SESN1: variants seen among roughly 807,000 people sequenced by gnomAD.
SESN1 encodes the protein sestrin-1.
A neutral mutation model predicts 59.3 loss-of-function variants in SESN1; 30 were observed. That is an observed-to-expected ratio of 0.51 (90% CI 0.38 to 0.69). The LOEUF (loss-of-function observed/expected upper bound fraction) is 0.69, where lower values mean the gene tolerates loss of function less well. Among genes scored for constraint, SESN1 ranks in the 30% least tolerant of loss-of-function variants. SESN1 has a pLI of 0.00. For synonymous variants in SESN1, 197 were observed against 219.9 expected (o/e 0.90, Z 0.92); for missense variants, 566 against 673.0 (o/e 0.84, Z 1.76).
intron 1 of SESN1, among the ~76,000 whole-genome samples, chr6:109,014,808 C>T (rs1367952293): frequency 6.6e-6 from 1 of 152,166 alleles, no homozygotes; most frequent in Non-Finnish European, 1.5e-5. Context: ...CAACCTCCTA[C>T]ATGTTCCTCA....
chr6:109,093,754 T>TA, intron 1 of SESN1, 41 bp downstream of exon 1: 1 of 1,568,450 alleles, frequency 6.4e-7, no homozygotes, highest in East Asian at 2.3e-5. Context: ...AAAATTTAAC[T>TA]GTAGTAGAGA....
At chr6:108,991,999 T>A (rs919500172) in intron 7 of SESN1, among the ~76,000 whole-genome samples, 1 of 152,196 alleles carries the variant, frequency 6.6e-6, no homozygotes, top group Non-Finnish European at 1.5e-5. Flanking sequence ...AATCCTAATG[T>A]CCCTCCATAA....
chr6:109,075,169 T>A (rs1036534477), intron 1 of SESN1, among the ~76,000 whole-genome samples: 2 of 152,204 alleles, frequency 1.3e-5, no homozygotes, highest in Non-Finnish European at 2.9e-5. Flanking sequence ...TAATCAGGTT[T>A]CTAAGCATAT....
intron 1 of SESN1, among the ~76,000 whole-genome samples, chr6:109,058,799 T>C (rs1416236567): frequency 6.6e-6 from 1 of 152,138 alleles, no homozygotes; most frequent in African/African-American, 2.4e-5. Flanking sequence ...TCTAGGCAAC[T>C]GGTTTTCACT....
chr6:109,001,183 T>C (rs1779613180), intron 3 of SESN1, 105 bp downstream of exon 3: 1 of 923,462 alleles, frequency 1.1e-6, no homozygotes. Flanking sequence ...AATCATATTA[T>C]ATATCATAAT....
chr6:109,093,761 G>C (rs892568098), intron 1 of SESN1, 34 bp downstream of exon 1: 6 of 1,592,730 alleles, frequency 3.8e-6, no homozygotes, highest in African/African-American at 1.3e-5. Context: ...AACTGTAGTA[G>C]AGACATAGTT....
intron 1 of SESN1, among the ~76,000 whole-genome samples, chr6:109,067,433 T>C (rs1015099161): frequency 3.3e-5 from 5 of 152,172 alleles, no homozygotes; most frequent in Non-Finnish European, 7.4e-5. Flanking sequence ...GGAGAGAAAA[T>C]TCCCTAAAAC....
At chr6:109,018,630 T>G (rs879537445) in intron 1 of SESN1, among the ~76,000 whole-genome samples, 4 of 152,230 alleles carry the variant, frequency 2.6e-5, no homozygotes, top group Non-Finnish European at 5.9e-5. Context: ...TACATTTTGG[T>G]GCTTATTGTT....
intron 1 of SESN1, among the ~76,000 whole-genome samples, chr6:109,055,812 T>C (rs1190134990): frequency 9.2e-5 from 14 of 152,102 alleles, no homozygotes; most frequent in Admixed American, 8.5e-4. Context: ...TTTCCAAAAA[T>C]TGTGTAAGAT....
intron 1 of SESN1, among the ~76,000 whole-genome samples, chr6:109,033,235 G>A (rs958146380): frequency 6.6e-6 from 1 of 152,128 alleles, no homozygotes; most frequent in African/African-American, 2.4e-5. Flanking sequence ...GTCTGGTTAA[G>A]AAGTAACAAA....
At position 109,094,029 on chromosome 6, in the gene SESN1, G is replaced by A. The variant is rs1419390453; in HGVS notation, c.45C>T (p.Ser15=). ...ENEVRWDGLC[S]RDSTTRETAL... ...CTGTCTCCCTAGTAGTTGAATCTCT[G>A]CTGCAGAGTCCATCCCATCTCACTT... Residue 15 remains serine, a synonymous_variant, in exon 1 of 10, where the codon AGC becomes AGT. Coordinates refer to ENST00000436639, the MANE Select transcript of SESN1 (RefSeq NM_014454.3). 8 of 1,614,018 alleles carry A rather than the reference G, an allele frequency of 5.0e-6. No homozygotes were observed. In the East Asian group the frequency reaches 6.7e-5, roughly 13 times the overall value.
chr6:108,989,655 AATAATT>A (rs1189367429), intron 8 of SESN1, among the ~76,000 whole-genome samples: 1 of 151,762 alleles, frequency 6.6e-6, no homozygotes, highest in Non-Finnish European at 1.5e-5. Flanking sequence ...ATAAAATAAA[AATAATT>A]AGAATTACTT....
In SESN1 at chr6:108,994,546, G is replaced by A. The variant is rs1218235551; in HGVS notation, c.1036C>T (p.Arg346Ter). Reference protein sequence around the residue: ...MEKMRQLQECRDEEEASQEEM... With the variant: ...MEKMRQLQEC ...TCCTGACTTGCCTCTTCTTCATCTC[G>A]ACATTCCTGTAACTGCCTCATCTTT... Residue 346 changes from arginine (R) to a stop codon, truncating the protein, a stop_gained, in exon 6 of 10, where the codon CGA becomes TGA. Transcript: ENST00000436639. LOFTEE classifies it high-confidence loss of function. 6 of 1,613,094 alleles carry A rather than the reference G, an allele frequency of 3.7e-6. No individual in the cohort carries two copies. The highest frequency in any genetic ancestry group is 2.2e-5 in the East Asian group (1 of 44,818).
rs554660505 is a variant in SESN1 at position 108,997,133 on chromosome 6, A to G, written c.972+1380T>C. Among the ~76,000 whole-genome samples the G allele has an allele frequency of 5.6e-5, 7 of 124,104 alleles. No homozygotes were observed. In the East Asian group the frequency reaches 1.3e-3, roughly 23 times the overall value. 81.4% of individuals were successfully genotyped at this position (124,104 alleles called of 152,430 possible). On this transcript the variant is annotated intron_variant, in intron 5 of 9. Transcript: ENST00000436639. Reference sequence around the variant, plus strand: ...GAACAAGCCATATCAGCTCACTGTCAAAGTGTCATCAGGGTAGGCCATAAA... The same window carrying G: ...GAACAAGCCATATCAGCTCACTGTCGAAGTGTCATCAGGGTAGGCCATAAA...
At position 109,000,526 on chromosome 6, in the gene SESN1, G is replaced by T. The variant is rs549678440; in HGVS notation, c.694C>A (p.His232Asn). The T allele has an allele frequency of 5.0e-6, 8 of 1,606,978 alleles. No homozygotes were observed. In the African/African-American group the frequency reaches 9.4e-5, roughly 19 times the overall value. The change falls in exon 4 of 10, where the codon CAT becomes AAT. Residue 232 changes from histidine to asparagine, a missense_variant. His to Asn is a moderately conservative substitution (Grantham distance 68). Transcript: ENST00000436639. Reference protein sequence around the residue: ...NLGELNKVLAHRPWLITKEHI... With the variant: ...NLGELNKVLANRPWLITKEHI... ...TCTTTGGTAATAAGCCAAGGTCTATGGGCTAACACTTTGTTAAGTTCTCCT... is the reference window on the plus strand; with the variant it reads ...TCTTTGGTAATAAGCCAAGGTCTATTGGCTAACACTTTGTTAAGTTCTCCT...
Position 108,998,764 on chromosome 6 carries a change from GA to G in SESN1, c.730-10del, listed in dbSNP as rs374844739. The G allele has an allele frequency of 0.024, 24,284 of 992,434 alleles. 3 individuals are homozygous for G. Among genetic ancestry groups the G allele is most frequent in the South Asian group, 0.048 (2,334 of 48,852 alleles). The allele number at this position is 992,434 out of a possible 1,614,324, so 61.5% of individuals were successfully genotyped here. On this transcript the variant is annotated splice_polypyrimidine_tract_variant and intron_variant, in intron 4 of 9. Transcript: ENST00000436639. ...TCAGCTTTTAAAAGTCCCTTAGGGG[GA>G]AAAAAAAAAAGAATATATTTTTGTA...
chr6:109,000,789 C>G lies in SESN1; in HGVS notation c.547-116G>C, dbSNP rs1030969995. ...TTTATTAGTATGTTTTCAAATTTTCCGTAAACTACAGAAATGCAGTTTTTA... is the reference window on the plus strand; with the variant it reads ...TTTATTAGTATGTTTTCAAATTTTCGGTAAACTACAGAAATGCAGTTTTTA... On this transcript the variant is annotated intron_variant, in intron 3 of 9. Transcript: ENST00000436639. 5 of 831,160 alleles carry G rather than the reference C, an allele frequency of 6.0e-6. No homozygotes were observed. The African/African-American group carries it at 8.8e-5, about 15-fold the overall frequency. The allele number at this position is 831,160 out of a possible 1,614,324, so 51.5% of individuals were successfully genotyped here. A position where few individuals can be genotyped will look rare whatever the true frequency, so the allele number is the denominator to read the frequency against.
chr6:108,991,779 A>G (rs1044762059), intron 7 of SESN1, among the ~76,000 whole-genome samples: 2 of 152,178 alleles, frequency 1.3e-5, no homozygotes, highest in African/African-American at 4.8e-5. Flanking sequence ...AACCCCACAT[A>G]ATCTAATGTA....
intron 1 of SESN1, among the ~76,000 whole-genome samples, chr6:109,078,673 T>G (rs1781068902): frequency 6.6e-6 from 1 of 152,178 alleles, no homozygotes; most frequent in African/African-American, 2.4e-5. Context: ...CATTACAAAA[T>G]TCTTAAGGGC....
Sources: allele counts gnomAD v4.1 joint callset (sites outside exome capture counted in the v4.1 genomes callset), GRCh38; gene constraint gnomAD v4.1.1; transcripts MANE v1.5; gene names NCBI Gene and HGNC (gene_info 2026-07-23, HGNC 2026-07-21).